Variants in LAMA2 observed in about 807,000 individuals in gnomAD.
LAMA2 encodes the protein laminin subunit alpha 2, also known as laminin subunit alpha-2.
LAMA2 carries 269 observed loss-of-function variants against 364.8 expected under a neutral mutation model. The observed-to-expected ratio is 0.74, with a 90% CI of 0.67 to 0.82. The LOEUF (loss-of-function observed/expected upper bound fraction) is 0.82, where lower values mean the gene tolerates loss of function less well. Ranked by LOEUF, LAMA2 falls within the 40% of genes least tolerant of loss-of-function variation. The pLI, the probability that LAMA2 is intolerant of heterozygous loss-of-function variation, is 0.00. For missense variants in LAMA2, 3,807 were observed against 3,873.2 expected, an observed-to-expected ratio of 0.98 and a Z score of 0.45; for synonymous variants, 1,379 against 1,370.6, an observed-to-expected ratio of 1.01 and a Z score of -0.14.
In LAMA2 at chr6:129,454,148, G is replaced by C. The variant is rs2114790773; in HGVS notation, c.6574-7G>C. On this transcript the variant is annotated splice_region_variant and splice_polypyrimidine_tract_variant and intron_variant, in intron 46 of 64. Transcript: ENST00000421865. ...ATATCTCTTGTTTTTGTATTTCTCT[G>C]AACTAGATTGACTTTCTGGCTATAG... The C allele has an allele frequency of 6.2e-7, 1 of 1,611,150 alleles. No individual in the cohort carries two copies.
At chr6:129,158,812 A>T in intron 8 of LAMA2, 1 of 1,614,164 alleles carries the variant, frequency 6.2e-7, no homozygotes, top group Non-Finnish European at 8.5e-7. Context: ...CAGATCCTTC[A>T]TATTTCATAC....
chr6:129,435,768 T>C (rs537621164), intron 41 of LAMA2, among the ~76,000 whole-genome samples: 1 of 152,282 alleles, frequency 6.6e-6, no homozygotes, highest in South Asian at 2.1e-4. Context: ...AATTAATATG[T>C]CCCGTACTCT....
At position 128,934,758 on chromosome 6, in the gene LAMA2, C is replaced by G. The variant is rs1779708850; in HGVS notation, c.112+51401C>G. Among the ~76,000 whole-genome samples the G allele has an allele frequency of 2.6e-5, 4 of 152,144 alleles. No homozygotes were observed. The South Asian group carries it at 6.2e-4, about 24-fold the overall frequency. Reference sequence around the variant, plus strand: ...TCCTGACCTCAGGTAATCTGCCCACCTCAGCCTCCCAAAGTGCTGGGATTA... The same window carrying G: ...TCCTGACCTCAGGTAATCTGCCCACGTCAGCCTCCCAAAGTGCTGGGATTA... On this transcript the variant is annotated intron_variant, in intron 1 of 64. Transcript: ENST00000421865.
At chr6:129,513,984 T>C (rs371852064) in intron 63 of LAMA2, among the ~76,000 whole-genome samples, 13 of 152,366 alleles carry the variant, frequency 8.5e-5, no homozygotes, top group African/African-American at 3.1e-4. Flanking sequence ...CTTTAAACAA[T>C]ATCTTTTAAG....
chr6:129,291,095 AG>A (rs1194556266), intron 19 of LAMA2, among the ~76,000 whole-genome samples: 1 of 152,192 alleles, frequency 6.6e-6, no homozygotes, highest in African/African-American at 2.4e-5. Flanking sequence ...AAATTTTGCC[AG>A]GGGTGCTATT....
intron 17 of LAMA2, among the ~76,000 whole-genome samples, chr6:129,277,355 T>G (rs1404071137): frequency 6.6e-6 from 1 of 152,196 alleles, no homozygotes; most frequent in Non-Finnish European, 1.5e-5. Flanking sequence ...TTGTGCATGT[T>G]TATTTCTCAC....
At chr6:129,128,787 A>G (rs1777270797) in intron 4 of LAMA2, among the ~76,000 whole-genome samples, 1 of 152,210 alleles carries the variant, frequency 6.6e-6, no homozygotes, top group Admixed American at 6.5e-5. Context: ...TTTAACTCCA[A>G]GTATATTTCA....
intron 33 of LAMA2, among the ~76,000 whole-genome samples, chr6:129,366,978 G>A (rs10499156): frequency 0.035 from 5,288 of 152,278 alleles, 129 homozygotes; most frequent in Non-Finnish European, 0.052. Context: ...GAGATCAGGT[G>A]GCCATATTCA....
intron 8 of LAMA2, among the ~76,000 whole-genome samples, chr6:129,161,263 T>G (rs953634284): frequency 1.3e-5 from 2 of 152,142 alleles, no homozygotes; most frequent in Non-Finnish European, 2.9e-5. Context: ...TGTTTAACTT[T>G]CAACCTATCT....
chr6:129,312,163 AAC>A (rs1451081344), intron 22 of LAMA2, among the ~76,000 whole-genome samples: 6 of 152,156 alleles, frequency 3.9e-5, no homozygotes, highest in Non-Finnish European at 7.4e-5. Flanking sequence ...AAAAAAAAAA[AAC>A]AAACCCAAGC....
chr6:129,409,452 T>TCAAA (rs1780415277), intron 40 of LAMA2, among the ~76,000 whole-genome samples: 1 of 152,168 alleles, frequency 6.6e-6, no homozygotes, highest in African/African-American at 2.4e-5. Flanking sequence ...ATATACCACT[T>TCAAA]ACAGTTGATG....
intron 58 of LAMA2, among the ~76,000 whole-genome samples, chr6:129,499,993 C>A (rs1466338394): frequency 6.6e-6 from 1 of 152,074 alleles, no homozygotes; most frequent in Non-Finnish European, 1.5e-5. Context: ...TAGCCTCAAG[C>A]GATCTTCCTG....
chr6:129,265,736 G>GGATA (rs1787462403), intron 15 of LAMA2, among the ~76,000 whole-genome samples: 1 of 151,872 alleles, frequency 6.6e-6, no homozygotes, highest in Non-Finnish European at 1.5e-5. Context: ...GCTAGGGGAA[G>GGATA]GATAGCATTA....
intron 10 of LAMA2, among the ~76,000 whole-genome samples, chr6:129,184,794 AG>A (rs1781134075): frequency 6.6e-6 from 1 of 151,834 alleles, no homozygotes; most frequent in Non-Finnish European, 1.5e-5. Flanking sequence ...TTCTCACTGA[AG>A]CCTATTTTCA....
intron 35 of LAMA2, among the ~76,000 whole-genome samples, chr6:129,387,489 C>T (rs1779080196): frequency 6.6e-6 from 1 of 152,224 alleles, no homozygotes; most frequent in Non-Finnish European, 1.5e-5. Context: ...TTGTGGAAGA[C>T]AGTGTGGCGA....
chr6:128,928,579 C>T (rs1246079847), intron 1 of LAMA2, among the ~76,000 whole-genome samples: 1 of 152,190 alleles, frequency 6.6e-6, no homozygotes, highest in African/African-American at 2.4e-5. Flanking sequence ...AGGTCCCCTT[C>T]TCCTTATTCT....
intron 9 of LAMA2, among the ~76,000 whole-genome samples, chr6:129,173,145 G>A (rs1451941515): frequency 1.3e-5 from 2 of 152,214 alleles, no homozygotes; most frequent in East Asian, 1.9e-4. Flanking sequence ...CGTCGCTCAC[G>A]CTGGGAGCTG....
Position 129,507,629 on chromosome 6 carries a change from T to A in LAMA2, c.8844T>A (p.Gly2948=). 6.2e-7 allele frequency: 1 copy of A among 1,614,102 alleles called. No individual in the cohort carries two copies. Among genetic ancestry groups the A allele is most frequent in the African/African-American group, 1.3e-5 (1 of 75,044 alleles). ...AQRGTYFDGT[G]FAKAVGGFKV... ...GGGGAACATATTTTGACGGAACCGG[T>A]TTTGCCAAAGCAGGTAAGGCTCTTT... Residue 2948 remains glycine (G), a synonymous_variant, in exon 62 of 65, where the codon GGT becomes GGA. Transcript: ENST00000421865.
chr6:128,910,992 G>A (rs1259422018), intron 1 of LAMA2, among the ~76,000 whole-genome samples: 6 of 150,876 alleles, frequency 4.0e-5, no homozygotes, highest in South Asian at 4.2e-4. Flanking sequence ...CAGTCTGCCC[G>A]TTCTTAGATC....
Sources: allele counts gnomAD v4.1 joint callset (sites outside exome capture counted in the v4.1 genomes callset), GRCh38; gene constraint gnomAD v4.1.1; transcripts MANE v1.5; gene names NCBI Gene and HGNC (gene_info 2026-07-23, HGNC 2026-07-21).